The following TDRD7 variants were observed in gnomAD, a reference collection of about 807,000 sequenced individuals.
The protein encoded by TDRD7 is tudor domain-containing protein 7.
TDRD7 carries 47 observed loss-of-function variants against 109.8 expected under a neutral mutation model. The observed-to-expected ratio is 0.43, with a 90% CI of 0.34 to 0.55. The LOEUF (loss-of-function observed/expected upper bound fraction) is 0.55, where lower values mean the gene tolerates loss of function less well. Ranked by LOEUF, TDRD7 falls within the 20% of genes least tolerant of loss-of-function variation. The pLI is 0.03. For missense variants in TDRD7, 1,164 were observed against 1,319.2 expected, an observed-to-expected ratio of 0.88 and a Z score of 1.82; for synonymous variants, 424 against 457.3, an observed-to-expected ratio of 0.93 and a Z score of 0.93.
At chr9:97,453,704 C>A (rs1215272717) in intron 6 of TDRD7, among the ~76,000 whole-genome samples, 1 of 151,926 alleles carries the variant, frequency 6.6e-6, no homozygotes, top group Non-Finnish European at 1.5e-5. Context: ...GGAAAATTTA[C>A]CAAGCAAATG....
chr9:97,457,279 A>G (rs1157261481), intron 6 of TDRD7, among the ~76,000 whole-genome samples: 1 of 152,186 alleles, frequency 6.6e-6, no homozygotes, highest in East Asian at 1.9e-4. Context: ...TCAAGGATCT[A>G]GAATCAGAAA....
At chr9:97,449,725 A>G (rs887519305) in intron 6 of TDRD7, among the ~76,000 whole-genome samples, 5 of 152,164 alleles carry the variant, frequency 3.3e-5, no homozygotes, top group South Asian at 2.1e-4. Flanking sequence ...CCCTCCCGGC[A>G]TTTGAATGGT....
intron 6 of TDRD7, among the ~76,000 whole-genome samples, chr9:97,448,565 C>T (rs1564201852): frequency 1.3e-5 from 2 of 152,192 alleles, no homozygotes; most frequent in South Asian, 4.1e-4. Context: ...TGTTGCTAGG[C>T]ACTCAGGGAT....
chr9:97,460,471 A>T lies in TDRD7; in HGVS notation c.1149A>T (p.Ser383=), dbSNP rs760849386. ...AGGATGCCTTAAAAAATCTTGCCTC[A>T]CTTTCTGATGTATGCAGCATAGACT... is the stretch of plus-strand genomic sequence containing the variant. The part of the protein sequence containing the change: ...FPEDALKNLA[S]LSDVCSIDYI... Residue 383 remains serine (S), a synonymous_variant, in exon 7 of 17, where the codon TCA becomes TCT. Transcript: ENST00000355295. 1.2e-6 allele frequency: 2 copies of T among 1,614,098 alleles called. No individual in the cohort carries two copies. The highest frequency in any genetic ancestry group is 1.7e-5 in the Admixed American group (1 of 60,016).
Position 97,472,366 on chromosome 9 carries a change from A to G in TDRD7, c.1815A>G (p.Ala605=), listed in dbSNP as rs369631725. The change falls in exon 10 of 17, where the codon GCA becomes GCG. Residue 605 remains alanine (A), a synonymous_variant. Transcript: ENST00000355295. The part of the protein sequence containing the change: ...VESLTCGKIF[A]VEILDKADIP... Reference sequence around the variant, plus strand: ...CTTTAACTTGTGGAAAGATCTTTGCAGTGGAAATACTTGACAAAGCTGACA... The same window carrying G: ...CTTTAACTTGTGGAAAGATCTTTGCGGTGGAAATACTTGACAAAGCTGACA... 2 of 1,614,018 alleles carry G rather than the reference A, an allele frequency of 1.2e-6. No homozygotes were observed. The highest frequency in any genetic ancestry group is 1.7e-6 in the Non-Finnish European group (2 of 1,179,900).
chr9:97,480,392 G>T (rs887566660), intron 13 of TDRD7: 1 of 214,728 alleles, frequency 4.7e-6, no homozygotes, highest in Admixed American at 5.2e-5. Context: ...GCTGAATGAA[G>T]CAACAGGAGT....
intron 4 of TDRD7, among the ~76,000 whole-genome samples, chr9:97,433,490 C>T (rs1048818736): frequency 4.6e-5 from 7 of 151,286 alleles, no homozygotes; most frequent in Non-Finnish European, 7.4e-5. Flanking sequence ...CCTAAAAGGA[C>T]GGGCAACAAA....
rs146279850 is a variant in TDRD7 at position 97,456,709 on chromosome 9, C to T, written c.856-3469C>T. On this transcript the variant is annotated intron_variant, in intron 6 of 16. Transcript: ENST00000355295. The stretch of plus-strand genomic sequence containing the variant: ...AAAGACTTAAATGTAAAACCCCAAA[C>T]CATAAAAACCCTAGAAGAAAACCTA... Among the ~76,000 whole-genome samples the T allele has an allele frequency of 8.3e-3, 1,259 of 152,264 alleles. 39 individuals carry two copies. The highest frequency in any genetic ancestry group is 0.056 in the Admixed American group (855 of 15,302).
intron 5 of TDRD7, 110 bp downstream of exon 5, chr9:97,439,428 C>T (rs1292639805): frequency 1.0e-5 from 9 of 887,926 alleles, no homozygotes; most frequent in Non-Finnish European, 1.5e-5. Context: ...GGAATATATC[C>T]TTCCTCCCCT....
chr9:97,438,029 T>A (rs1485728211), intron 4 of TDRD7, among the ~76,000 whole-genome samples: 1 of 152,166 alleles, frequency 6.6e-6, no homozygotes, highest in Non-Finnish European at 1.5e-5. Context: ...GTGTACTCAC[T>A]CTTTGCTCAT....
intron 16 of TDRD7, among the ~76,000 whole-genome samples, chr9:97,491,119 T>C (rs1293839125): frequency 6.6e-6 from 1 of 152,294 alleles, no homozygotes; most frequent in Non-Finnish European, 1.5e-5. Flanking sequence ...TTTTTCACCA[T>C]GTTGGCCAGA....
chr9:97,435,273 C>T (rs965597327), intron 4 of TDRD7, among the ~76,000 whole-genome samples: 44 of 152,156 alleles, frequency 2.9e-4, no homozygotes, highest in African/African-American at 9.6e-4. Flanking sequence ...ACACATGGGA[C>T]CTCTAAGTAC....
At chr9:97,456,983 AC>A (rs1828625031) in intron 6 of TDRD7, among the ~76,000 whole-genome samples, 1 of 152,230 alleles carries the variant, frequency 6.6e-6, no homozygotes, top group African/African-American at 2.4e-5. Flanking sequence ...CAAGAAAAAA[AC>A]AACCCCATCA....
At chr9:97,457,718 G>A (rs1828643272) in intron 6 of TDRD7, among the ~76,000 whole-genome samples, 1 of 152,126 alleles carries the variant, frequency 6.6e-6, no homozygotes, top group African/African-American at 2.4e-5. Flanking sequence ...CAATAGCAAA[G>A]ACATGGAACC....
At position 97,473,645 on chromosome 9, in the gene TDRD7, TACC is replaced by T. The variant is rs777656701; in HGVS notation, c.2079+20_2079+22del. On this transcript the variant is annotated intron_variant, in intron 11 of 16. Transcript: ENST00000355295. Reference sequence around the variant, plus strand: ...TTGCAAGGTATAGCAGAACCTCTTCTACCTCTAAAATTAGCCCTAAAATTACAA... The same window carrying T: ...TTGCAAGGTATAGCAGAACCTCTTCTTCTAAAATTAGCCCTAAAATTACAA... 4.3e-6 allele frequency: 7 copies of T among 1,613,378 alleles called. No homozygotes were observed. In the African/African-American group the frequency reaches 8.0e-5, roughly 18 times the overall value.
At chr9:97,426,452 A>G (rs1312745064) in intron 1 of TDRD7, among the ~76,000 whole-genome samples, 1 of 152,020 alleles carries the variant, frequency 6.6e-6, no homozygotes, top group East Asian at 1.9e-4. Flanking sequence ...GGGTTTCGCC[A>G]TGTTGCCCAG....
chr9:97,436,067 C>T (rs1314205648), intron 4 of TDRD7, among the ~76,000 whole-genome samples: 1 of 152,066 alleles, frequency 6.6e-6, no homozygotes, highest in African/African-American at 2.4e-5. Context: ...CTCATGCCTG[C>T]CTGTTAACAA....
chr9:97,421,787 C>G (rs928693154), intron 1 of TDRD7, among the ~76,000 whole-genome samples: 1 of 151,080 alleles, frequency 6.6e-6, no homozygotes, highest in African/African-American at 2.4e-5. Flanking sequence ...TCTCGAACTC[C>G]TGAGCTCAGG....
At chr9:97,480,989 T>G in intron 14 of TDRD7, 51 bp downstream of exon 14, 2 of 1,496,878 alleles carry the variant, frequency 1.3e-6, no homozygotes, top group African/African-American at 1.4e-5. Context: ...CTGGCAGCTG[T>G]CAGGGCTCAT....
Sources: gnomAD v4.1 joint callset for allele counts (sites outside exome capture counted in the v4.1 genomes callset) on GRCh38, gnomAD v4.1.1 for gene constraint, MANE v1.5 for transcripts, NCBI Gene and HGNC (gene_info 2026-07-23, HGNC 2026-07-21) for gene names.